Variants in HEMK2 observed in about 807,000 individuals in gnomAD.
HEMK2 encodes methyltransferase HEMK2.
At chr21:28,636,773 G>C in the HEMK2 span, among the ~76,000 whole-genome samples, 1 of 152,190 alleles carries the variant, frequency 6.6e-6, no homozygotes, top group Non-Finnish European at 1.5e-5. Context: ...TCTGTGCTGT[G>C]ATGCTCGATC....
the HEMK2 span, among the ~76,000 whole-genome samples, chr21:28,713,420 C>T: frequency 3.9e-5 from 6 of 152,302 alleles, no homozygotes; most frequent in East Asian, 1.2e-3. Flanking sequence ...CCTCTGCCCA[C>T]CTATTCCGCG....
the HEMK2 span, among the ~76,000 whole-genome samples, chr21:28,752,315 A>G: frequency 6.6e-6 from 1 of 152,204 alleles, no homozygotes; most frequent in African/African-American, 2.4e-5. Flanking sequence ...AACTGATCCC[A>G]GGATAGTCCA....
the HEMK2 span, among the ~76,000 whole-genome samples, chr21:28,594,613 A>G: frequency 2.0e-5 from 3 of 152,314 alleles, no homozygotes; most frequent in Non-Finnish European, 2.9e-5. Flanking sequence ...TACTTCCCCA[A>G]CAGTAGGGGG....
the HEMK2 span, among the ~76,000 whole-genome samples, chr21:28,804,335 A>C: frequency 1.3e-5 from 2 of 152,222 alleles, no homozygotes; most frequent in African/African-American, 4.8e-5. Context: ...AAAATGCAAA[A>C]CAAGACTTGA....
At chr21:28,812,573 C>A in the HEMK2 span, among the ~76,000 whole-genome samples, 2 of 152,184 alleles carry the variant, frequency 1.3e-5, no homozygotes. Context: ...CATTGATGTT[C>A]ATCAGGGATA....
the HEMK2 span, among the ~76,000 whole-genome samples, chr21:28,798,653 G>T: frequency 6.6e-6 from 1 of 152,112 alleles, no homozygotes; most frequent in Admixed American, 6.6e-5. Context: ...GACAGGAAAA[G>T]AAATGGTAGC....
the HEMK2 span, among the ~76,000 whole-genome samples, chr21:28,877,621 AAG>A: frequency 3.9e-4 from 58 of 147,218 alleles, no homozygotes; most frequent in African/African-American, 8.7e-4. Flanking sequence ...AAAAAGAGAA[AAG>A]AGAGAAATAG....
the HEMK2 span, among the ~76,000 whole-genome samples, chr21:28,652,742 T>C: frequency 1.3e-5 from 2 of 152,088 alleles, no homozygotes; most frequent in Non-Finnish European, 2.9e-5. Context: ...TCTTAAGACA[T>C]AAACCAGATT....
the HEMK2 span, among the ~76,000 whole-genome samples, chr21:28,824,476 A>T: frequency 6.6e-6 from 1 of 152,238 alleles, no homozygotes; most frequent in African/African-American, 2.4e-5. Flanking sequence ...AACAGTTTTT[A>T]CAGATAGCAC....
chr21:28,652,326 A>T, the HEMK2 span, among the ~76,000 whole-genome samples: 1 of 152,160 alleles, frequency 6.6e-6, no homozygotes, highest in African/African-American at 2.4e-5. Flanking sequence ...CCAGGAAACC[A>T]ACACCAGGAT....
chr21:28,719,213 A>G, the HEMK2 span, among the ~76,000 whole-genome samples: 11 of 152,284 alleles, frequency 7.2e-5, no homozygotes, highest in East Asian at 2.1e-3. Context: ...CCTTTTGCCA[A>G]GTAGGGGCAT....
the HEMK2 span, among the ~76,000 whole-genome samples, chr21:28,831,013 G>T: frequency 1.3e-5 from 2 of 152,100 alleles, no homozygotes; most frequent in South Asian, 2.1e-4. Flanking sequence ...ATTTCTTCTG[G>T]ATTCCACTTT....
chr21:28,610,070 C>A, the HEMK2 span, among the ~76,000 whole-genome samples: 3 of 152,090 alleles, frequency 2.0e-5, no homozygotes, highest in East Asian at 3.8e-4. Context: ...CTGGGAAATT[C>A]ATCACAAAGA....
At chr21:28,723,692 C>T in the HEMK2 span, among the ~76,000 whole-genome samples, 8 of 152,258 alleles carry the variant, frequency 5.3e-5, no homozygotes, top group South Asian at 1.0e-3. Context: ...TAATCATCCC[C>T]GCCTCATGGG....
the HEMK2 span, among the ~76,000 whole-genome samples, chr21:28,637,527 A>G: frequency 9.9e-5 from 15 of 152,078 alleles, no homozygotes; most frequent in Non-Finnish European, 2.1e-4. Flanking sequence ...CAGAGGCATG[A>G]CTGGCGTAGA....
the HEMK2 span, among the ~76,000 whole-genome samples, chr21:28,606,920 T>A: frequency 6.6e-6 from 1 of 152,208 alleles, no homozygotes; most frequent in Non-Finnish European, 1.5e-5. Context: ...TTTGGCCAAC[T>A]TGCTAAAGTG....
the HEMK2 span, among the ~76,000 whole-genome samples, chr21:28,744,736 A>G: frequency 6.6e-6 from 1 of 152,314 alleles, no homozygotes. Context: ...AACCACATAA[A>G]TGCATTACAG....
At chr21:28,690,559 C>T in the HEMK2 span, among the ~76,000 whole-genome samples, 768 of 152,162 alleles carry the variant, frequency 5.0e-3, 6 homozygotes, top group African/African-American at 0.017. Context: ...TAATAGAGAA[C>T]GAATACAATG....
chr21:28,802,471 T>TAA, the HEMK2 span, among the ~76,000 whole-genome samples: 1 of 152,208 alleles, frequency 6.6e-6, no homozygotes, highest in Non-Finnish European at 1.5e-5. Context: ...CTCAGGCCTG[T>TAA]AATCTCAGCA....
Sources: allele counts gnomAD v4.1 joint callset (sites outside exome capture counted in the v4.1 genomes callset), GRCh38; gene constraint gnomAD v4.1.1; transcripts MANE v1.5; gene names NCBI Gene and HGNC (gene_info 2026-07-23, HGNC 2026-07-21).